TRHDE: variants seen among roughly 807,000 people sequenced by gnomAD.
The protein encoded by TRHDE is thyrotropin-releasing hormone-degrading ectoenzyme.
In TRHDE, 72 loss-of-function variants were observed where a neutral mutation model predicts 125.7. That is an observed-to-expected ratio of 0.57 (90% confidence interval 0.47 to 0.70). TRHDE has a LOEUF of 0.70. TRHDE is among the 30% of genes least tolerant of loss of function. TRHDE has a pLI of 0.00. For synonymous variants in TRHDE, 509 were observed against 509.1 expected, an observed-to-expected ratio of 1.00 and a Z score of 0.00; for missense variants, 1,110 against 1,327.1, an observed-to-expected ratio of 0.84 and a Z score of 2.54.
At chr12:72,091,255 G>A (rs1009083982) in intron 1 of TRHDE, among the ~76,000 whole-genome samples, 3 of 152,036 alleles carry the variant, frequency 2.0e-5, no homozygotes, top group African/African-American at 7.2e-5. Context: ...CTCTGAGAGT[G>A]TAATAAAAGC....
At chr12:72,297,910 C>T (rs560843837) in intron 2 of TRHDE, among the ~76,000 whole-genome samples, 1 of 152,274 alleles carries the variant, frequency 6.6e-6, no homozygotes, top group Non-Finnish European at 1.5e-5. Flanking sequence ...GAGGACTGAG[C>T]AGGCCAAATT....
chr12:72,628,706 T>C (rs1426237891), intron 15 of TRHDE, among the ~76,000 whole-genome samples: 5 of 151,912 alleles, frequency 3.3e-5, no homozygotes, highest in African/African-American at 1.2e-4. Context: ...TGAGTGTACT[T>C]GCTATCTGAA....
intron 2 of TRHDE, among the ~76,000 whole-genome samples, chr12:72,310,940 G>A (rs141484461): frequency 1.3e-5 from 2 of 152,010 alleles, no homozygotes; most frequent in East Asian, 1.9e-4. Flanking sequence ...GAAAAAATCA[G>A]AGCATATTTT....
intron 7 of TRHDE, among the ~76,000 whole-genome samples, chr12:72,551,769 A>AT (rs1307623632): frequency 2.0e-5 from 3 of 152,030 alleles, no homozygotes; most frequent in Non-Finnish European, 4.4e-5. Context: ...AAATAAATAT[A>AT]TTTTTTTGCT....
At chr12:72,580,940 G>A (rs1173624726) in intron 12 of TRHDE, among the ~76,000 whole-genome samples, 4 of 152,160 alleles carry the variant, frequency 2.6e-5, no homozygotes, top group African/African-American at 9.7e-5. Flanking sequence ...AAGAATTAGT[G>A]TGGCCTAGGA....
intron 3 of TRHDE, among the ~76,000 whole-genome samples, chr12:72,421,920 T>C (rs1163339962): frequency 5.5e-4 from 83 of 152,262 alleles, no homozygotes; most frequent in East Asian, 3.9e-4. Flanking sequence ...TCCTATTAAA[T>C]AGAAATGTGT....
intron 2 of TRHDE, among the ~76,000 whole-genome samples, chr12:72,237,579 A>G (rs1209579317): frequency 6.6e-6 from 1 of 152,190 alleles, no homozygotes; most frequent in African/African-American, 2.4e-5. Flanking sequence ...CTGTTCTTGC[A>G]TTGGTGAGGG....
At chr12:72,521,782 G>A (rs1470674744) in intron 6 of TRHDE, among the ~76,000 whole-genome samples, 1 of 152,186 alleles carries the variant, frequency 6.6e-6, no homozygotes, top group Non-Finnish European at 1.5e-5. Context: ...CCTTCTGGAA[G>A]GGGGTCTGTC....
chr12:72,095,740 CTTG>C (rs1292810430), intron 1 of TRHDE, among the ~76,000 whole-genome samples: 1 of 152,138 alleles, frequency 6.6e-6, no homozygotes, highest in Non-Finnish European at 1.5e-5. Flanking sequence ...TTTGCTAAGA[CTTG>C]TTGTTCCTAT....
chr12:72,640,857 G>A (rs146787776), intron 15 of TRHDE, among the ~76,000 whole-genome samples: 2 of 152,256 alleles, frequency 1.3e-5, no homozygotes, highest in South Asian at 2.1e-4. Flanking sequence ...TTAATTGTTA[G>A]GCCTCACTCT....
chr12:72,127,487 A>G (rs767764691), intron 2 of TRHDE, among the ~76,000 whole-genome samples: 7 of 152,238 alleles, frequency 4.6e-5, no homozygotes, highest in Non-Finnish European at 8.8e-5. Flanking sequence ...CATACACACC[A>G]TGGACTATTA....
At chr12:72,213,774 T>C (rs953567949) in intron 2 of TRHDE, among the ~76,000 whole-genome samples, 8 of 152,148 alleles carry the variant, frequency 5.3e-5, no homozygotes, top group African/African-American at 1.9e-4. Context: ...TGTGAGCCAA[T>C]TAAAAGGATT....
In TRHDE at chr12:72,332,285, C is replaced by T. The variant is rs540975587; in HGVS notation, c.1188+45331C>T. 8.5e-5 allele frequency among the ~76,000 whole-genome samples: 13 copies of T among 152,236 alleles called. No individual in the cohort carries two copies. In the South Asian group the frequency reaches 2.7e-3, roughly 32 times the overall value. ...TCCCAAGTAGCTGGGACTACAGGCA[C>T]CCGCCACCATGCCTGGCTAATTTTT... is the stretch of plus-strand genomic sequence containing the variant. On this transcript the variant is annotated intron_variant, in intron 2 of 18. Transcript: ENST00000261180.
chr12:72,601,477 A>G (rs1025023409), intron 12 of TRHDE, among the ~76,000 whole-genome samples: 1 of 152,144 alleles, frequency 6.6e-6, no homozygotes, highest in Non-Finnish European at 1.5e-5. Flanking sequence ...TGCTTGATTA[A>G]GTATGGTTTG....
chr12:72,465,096 T>C (rs917486046), intron 3 of TRHDE, among the ~76,000 whole-genome samples: 1 of 152,216 alleles, frequency 6.6e-6, no homozygotes, highest in Non-Finnish European at 1.5e-5. Context: ...TACATTTTAA[T>C]GGGTATAGTC....
intron 17 of TRHDE, among the ~76,000 whole-genome samples, chr12:72,654,991 C>T (rs1456625024): frequency 6.6e-6 from 1 of 152,142 alleles, no homozygotes; most frequent in Non-Finnish European, 1.5e-5. Flanking sequence ...CTTAATATGT[C>T]CTCTGCATAT....
At chr12:72,617,317 G>T (rs915725308) in intron 12 of TRHDE, among the ~76,000 whole-genome samples, 2 of 152,122 alleles carry the variant, frequency 1.3e-5, no homozygotes, top group Admixed American at 6.6e-5. Context: ...TTAATTAAAA[G>T]AAAACTGCAG....
intron 2 of TRHDE, among the ~76,000 whole-genome samples, chr12:72,227,374 A>G (rs1174212234): frequency 6.6e-6 from 1 of 152,052 alleles, no homozygotes; most frequent in Non-Finnish European, 1.5e-5. Flanking sequence ...TGTGCAGGGA[A>G]ACCCCCCATT....
chr12:72,534,561 G>T (rs909373054), intron 6 of TRHDE, among the ~76,000 whole-genome samples: 1 of 152,002 alleles, frequency 6.6e-6, no homozygotes, highest in African/African-American at 2.4e-5. Context: ...ATTTTGGGGG[G>T]CAGGGAGCTA....
Sources: gnomAD v4.1 joint callset for allele counts (sites outside exome capture counted in the v4.1 genomes callset) on GRCh38, gnomAD v4.1.1 for gene constraint, MANE v1.5 for transcripts, NCBI Gene and HGNC (gene_info 2026-07-23, HGNC 2026-07-21) for gene names.